The following TMEM184B variants were observed in gnomAD, a reference collection of about 807,000 sequenced individuals.
The protein encoded by TMEM184B is putative MAPK-activating protein FM08.
Under a neutral mutation model 41.8 loss-of-function variants are expected in TMEM184B, and 17 were observed. That is an observed-to-expected ratio of 0.41 (90% CI 0.28 to 0.61). The LOEUF (loss-of-function observed/expected upper bound fraction) is 0.61, where lower values mean the gene tolerates loss of function less well. TMEM184B is among the 20% of genes least tolerant of loss of function. The probability of loss-of-function intolerance (pLI) is 0.34; values close to 1 mark genes in which losing one functional copy is unlikely to be tolerated. For missense variants in TMEM184B, 393 were observed against 557.8 expected (o/e 0.70, Z 2.98); for synonymous variants, 240 against 229.5 (o/e 1.05, Z -0.41).
intron 1 of TMEM184B, among the ~76,000 whole-genome samples, chr22:38,264,856 C>A (rs1390264958): frequency 6.6e-6 from 1 of 152,160 alleles, no homozygotes; most frequent in Non-Finnish European, 1.5e-5. Flanking sequence ...AGAAAGAACC[C>A]TTGTCAACCT....
rs2091196186 is a variant in TMEM184B at position 38,219,327 on chromosome 22, A to C, written c.*2142T>G. ...ACAATCTATATTATCTCATATATAGATTTCTTCCTCACTTTATTTGCTCAC... is the reference window on the plus strand; with the variant it reads ...ACAATCTATATTATCTCATATATAGCTTTCTTCCTCACTTTATTTGCTCAC... On this transcript the variant is annotated 3_prime_UTR_variant, in exon 9 of 9. Transcript: ENST00000361906. 22 of 985,640 alleles carry C rather than the reference A, an allele frequency of 2.2e-5. No homozygotes were observed. Among genetic ancestry groups the C allele is most frequent in the Non-Finnish European group, 2.3e-5 (19 of 829,912 alleles). The allele number at this position is 985,640 out of a possible 1,614,324, so 61.1% of individuals were successfully genotyped here. A position where few individuals can be genotyped will look rare whatever the true frequency, so the allele number is the denominator to read the frequency against.
chr22:38,217,564 G>C (rs542001692), downstream of TMEM184B, among the ~76,000 whole-genome samples: 11 of 146,544 alleles, frequency 7.5e-5, no homozygotes, highest in African/African-American at 2.8e-4. Flanking sequence ...ATGGTGTGAA[G>C]CCGGGAGGCG....
intron 1 of TMEM184B, among the ~76,000 whole-genome samples, chr22:38,253,070 A>C (rs2092204243): frequency 6.6e-6 from 1 of 152,110 alleles, no homozygotes; most frequent in Non-Finnish European, 1.5e-5. Flanking sequence ...TGAACCCGGG[A>C]GGCAGAGCTT....
At chr22:38,238,227 CTT>C (rs1029386970) in intron 3 of TMEM184B, among the ~76,000 whole-genome samples, 1,425 of 137,430 alleles carry the variant, frequency 0.01, 16 homozygotes, top group African/African-American at 0.036. Context: ...CTATCAACTT[CTT>C]TTTTTTTTTT....
At chr22:38,251,790 G>A (rs980081554) in intron 1 of TMEM184B, among the ~76,000 whole-genome samples, 4 of 152,184 alleles carry the variant, frequency 2.6e-5, no homozygotes, top group Non-Finnish European at 5.9e-5. Context: ...GGGGAAAGGG[G>A]TGGGGAAGGG....
rs758857408 is a variant in TMEM184B at position 38,246,113 on chromosome 22, G to A, written c.193-13C>T. 7.5e-6 allele frequency: 12 copies of A among 1,606,228 alleles called. No homozygotes were observed. The Admixed American group carries it at 1.7e-4, about 22-fold the overall frequency. On this transcript the variant is annotated splice_polypyrimidine_tract_variant and intron_variant, in intron 2 of 8. Coordinates refer to ENST00000361906, the MANE Select transcript of TMEM184B (RefSeq NM_012264.5). ...GGTGCATGTAGATCTGGGGGCAGAG[G>A]TGTGGGGTCAGCTGGGGACCCTCCT...
At position 38,246,001 on chromosome 22, in the gene TMEM184B, T is replaced by A; in HGVS notation, c.292A>T (p.Ser98Cys). ...VPIYAFDSWL[S>C]LLFFTNDQYY... ...TGGTCGTTGGTGAAGAAGAGGAGGC[T>A]GAGCCAGGAGTCAAAGGCGTAGATG... The change falls in exon 3 of 9, where the codon AGC (serine) becomes TGC (cysteine). Residue 98 changes from serine to cysteine, a missense_variant. By Grantham distance (112) the Ser-to-Cys change is moderately radical. Transcript: ENST00000361906. 1 of 1,611,824 alleles carries A rather than the reference T, an allele frequency of 6.2e-7. No homozygotes were observed. The highest frequency in any genetic ancestry group is 1.1e-5 in the South Asian group (1 of 91,042).
At position 38,220,171 on chromosome 22, in the gene TMEM184B, C is replaced by G. The variant is rs980998290; in HGVS notation, c.*1298G>C. 1.0e-6 allele frequency: 1 copy of G among 985,424 alleles called. No individual in the cohort carries two copies. The highest frequency in any genetic ancestry group is 1.2e-6 in the Non-Finnish European group (1 of 829,960). The allele number at this position is 985,424 out of a possible 1,614,324, so 61.0% of individuals were successfully genotyped here. ...TTCCTAAGTCAGGAGCTAGTATAAGCCCAGCCTGCTGGGGGTTCCGGAGGC... is the reference window on the plus strand; with the variant it reads ...TTCCTAAGTCAGGAGCTAGTATAAGGCCAGCCTGCTGGGGGTTCCGGAGGC... On this transcript the variant is annotated 3_prime_UTR_variant, in exon 9 of 9. Coordinates refer to ENST00000361906, the MANE Select transcript of TMEM184B (RefSeq NM_012264.5).
intron 1 of TMEM184B, among the ~76,000 whole-genome samples, chr22:38,265,373 C>T (rs1602501361): frequency 6.6e-6 from 1 of 152,184 alleles, no homozygotes; most frequent in African/African-American, 2.4e-5. Context: ...TATTCACGTG[C>T]TTTCCAGGTC....
chr22:38,226,678 T>C lies in TMEM184B; in HGVS notation c.617+101A>G, dbSNP rs536465004. On this transcript the variant is annotated intron_variant, in intron 6 of 8. Transcript: ENST00000361906. This position sits in a 1 kb window ranked among gnomAD's most constrained non-coding sequence, Gnocchi z 4.6. ...TGTGAGCACCAGACACCCAGGAAGG[T>C]CATGGCTGTGCGGCCACTCTGGCTG... 2.3e-5 allele frequency: 28 copies of C among 1,205,526 alleles called. No individual in the cohort carries two copies. In the East Asian group the frequency reaches 7.3e-4, roughly 31 times the overall value. 74.7% of individuals were successfully genotyped at this position (1,205,526 alleles called of 1,614,324 possible).
At chr22:38,262,342 G>C (rs1245139407) in intron 1 of TMEM184B, among the ~76,000 whole-genome samples, 1 of 152,214 alleles carries the variant, frequency 6.6e-6, no homozygotes, top group Non-Finnish European at 1.5e-5. Flanking sequence ...AGAAGCCAGG[G>C]AGGTCAGAAG....
intron 1 of TMEM184B, chr22:38,272,662 C>T: frequency 1.0e-6 from 1 of 985,552 alleles, no homozygotes; most frequent in Non-Finnish European, 1.2e-6. Flanking sequence ...AGCGGGCACA[C>T]CCACGGGCGA....
chr22:38,272,387 G>C (rs917215490), intron 1 of TMEM184B: 2 of 801,240 alleles, frequency 2.5e-6, no homozygotes, highest in African/African-American at 3.7e-5. Context: ...CTGCGGACCT[G>C]TGTGGCGGGC....
intron 1 of TMEM184B, among the ~76,000 whole-genome samples, chr22:38,252,487 G>A (rs367624719): frequency 1.3e-5 from 2 of 152,166 alleles, no homozygotes; most frequent in Admixed American, 1.3e-4. Flanking sequence ...GCCAGGCACC[G>A]GCAGACCCAG....
In TMEM184B at chr22:38,263,193, G is replaced by A. The variant is rs182015304; in HGVS notation, c.-59+9691C>T. Among the ~76,000 whole-genome samples the A allele has an allele frequency of 3.3e-3, 504 of 152,156 alleles. 5 individuals carry two copies. Among genetic ancestry groups the A allele is most frequent in the African/African-American group, 0.011 (450 of 41,502 alleles). ...GCTGGGATTACAGGCGTGAGCCACC[G>A]CACCTGGCCCATTTTAATTTCTTGG... is the stretch of plus-strand genomic sequence containing the variant. On this transcript the variant is annotated intron_variant, in intron 1 of 8. Transcript: ENST00000361906.
chr22:38,230,588 G>A (rs1181923365), intron 5 of TMEM184B, 81 bp downstream of exon 5: 8 of 1,444,252 alleles, frequency 5.5e-6, no homozygotes, highest in African/African-American at 2.8e-5. Flanking sequence ...CCTCTAAGGT[G>A]GGGCCCAGGG....
At chr22:38,272,709 G>A in intron 1 of TMEM184B, 175 bp downstream of exon 1, 1 of 985,362 alleles carries the variant, frequency 1.0e-6, no homozygotes, top group Non-Finnish European at 1.2e-6. Context: ...GTGGGGAGAC[G>A]GATGCCCCCT....
chr22:38,252,921 T>C (rs777864666), intron 1 of TMEM184B, among the ~76,000 whole-genome samples: 1 of 152,108 alleles, frequency 6.6e-6, no homozygotes, highest in Non-Finnish European at 1.5e-5. Context: ...GCTGGGTGGA[T>C]CACGAGGTCA....
chr22:38,267,068 A>G (rs1049653815), intron 1 of TMEM184B, among the ~76,000 whole-genome samples: 3 of 147,598 alleles, frequency 2.0e-5, no homozygotes, highest in Non-Finnish European at 3.0e-5. Flanking sequence ...TGGGCGACAG[A>G]GCAAAACTCT....
Sources: allele counts gnomAD v4.1 joint callset (sites outside exome capture counted in the v4.1 genomes callset), GRCh38; gene constraint gnomAD v4.1.1; non-coding constraint Gnocchi (gnomAD v3.1); transcripts MANE v1.5; gene names NCBI Gene and HGNC (gene_info 2026-07-23, HGNC 2026-07-21).